TMEM223: variants seen among roughly 807,000 people sequenced by gnomAD.
The protein encoded by TMEM223 is transmembrane protein 223.
A neutral mutation model predicts 14.1 loss-of-function variants in TMEM223; 14 were observed. The observed-to-expected ratio is 0.99, with a 90% CI of 0.66 to 1.55. The LOEUF (loss-of-function observed/expected upper bound fraction) is 1.55. TMEM223 is among the 40% of genes most tolerant of loss of function. The pLI is 0.00. For missense variants in TMEM223, 346 were observed against 269.9 expected (o/e 1.28, Z -1.97); for synonymous variants, 145 against 120.5 (o/e 1.20, Z -1.33).
intron 1 of TMEM223, chr11:62,778,950 C>T (rs780133843): frequency 3.9e-5 from 63 of 1,613,854 alleles, no homozygotes; most frequent in Admixed American, 1.2e-4. Context: ...GGGGATGATC[C>T]GCAACTGATG....
intron 1 of TMEM223, chr11:62,777,930 T>C: frequency 6.2e-7 from 1 of 1,603,064 alleles, no homozygotes; most frequent in East Asian, 2.2e-5. Flanking sequence ...TCCTGACGCC[T>C]GCTCCCTCCC....
downstream of TMEM223, chr11:62,789,843 G>A: frequency 6.3e-7 from 1 of 1,591,878 alleles, no homozygotes; most frequent in Non-Finnish European, 8.6e-7. Context: ...GACTGGATTT[G>A]AAATGGTCCC....
chr11:62,787,043 C>G (rs1419105460), downstream of TMEM223: 1 of 1,518,596 alleles, frequency 6.6e-7, no homozygotes, highest in Admixed American at 2.0e-5. Context: ...CAGCAGGGCC[C>G]CGGGACCGGC....
At chr11:62,786,694 C>T (rs750187135), downstream of TMEM223, 2 of 1,612,392 alleles carry the variant, frequency 1.2e-6, no homozygotes, top group South Asian at 1.1e-5. Context: ...CCCGCTGCCG[C>T]CAGGGGGCGC....
intron 1 of TMEM223, chr11:62,778,839 T>G: frequency 6.2e-7 from 1 of 1,600,566 alleles, no homozygotes; most frequent in Non-Finnish European, 8.6e-7. Context: ...GCTCTCCACC[T>G]GTCCCTGCTT....
At chr11:62,782,551 C>T (rs1204774285), downstream of TMEM223, 12 of 1,279,540 alleles carry the variant, frequency 9.4e-6, no homozygotes, top group Non-Finnish European at 1.2e-5. Context: ...GGTCCTAGGC[C>T]AGTCACCCCT....
Position 62,790,588 on chromosome 11 carries a change from C to T in TMEM223, c.*35G>A, listed in dbSNP as rs2084349200. The T allele has an allele frequency of 6.4e-7, 1 of 1,569,812 alleles. No homozygotes were observed. Among genetic ancestry groups the T allele is most frequent in the Non-Finnish European group, 8.7e-7 (1 of 1,152,944 alleles). On this transcript the variant is annotated 3_prime_UTR_variant, in exon 2 of 2. Coordinates refer to ENST00000307366, the MANE Select transcript of TMEM223 (RefSeq NM_001080501.3). ...CTCCCCAAGGTTCAGTTTTTATCCTCCTCTTGGAGAGGTGAGTGACTTGAG... is the reference window on the plus strand; with the variant it reads ...CTCCCCAAGGTTCAGTTTTTATCCTTCTCTTGGAGAGGTGAGTGACTTGAG...
intron 1 of TMEM223, chr11:62,779,086 T>C: frequency 1.3e-6 from 1 of 770,866 alleles, no homozygotes; most frequent in Non-Finnish European, 2.1e-6. Context: ...AATGGCATGA[T>C]CTCAGCTCAC....
chr11:62,782,184 T>C (rs140460114), intron 1 of TMEM223: 117 of 1,613,982 alleles, frequency 7.2e-5, no homozygotes, highest in Non-Finnish European at 9.3e-5. Flanking sequence ...TATTTCGTAA[T>C]CCGCACCTGT....
intron 1 of TMEM223, among the ~76,000 whole-genome samples, chr11:62,781,247 AAAAAG>A (rs1371601112): frequency 1.3e-5 from 2 of 151,958 alleles, no homozygotes; most frequent in Non-Finnish European, 2.9e-5. Flanking sequence ...AAGAAAAAAA[AAAAAG>A]AAAAAGAAAC....
downstream of TMEM223, among the ~76,000 whole-genome samples, chr11:62,783,281 A>G (rs1304502051): frequency 2.6e-5 from 4 of 152,070 alleles, no homozygotes; most frequent in Non-Finnish European, 5.9e-5. Context: ...AGGAGATCGA[A>G]ACCATCCTGG....
downstream of TMEM223, chr11:62,771,628 T>TC (rs963112176): frequency 3.9e-5 from 7 of 177,814 alleles, no homozygotes; most frequent in Non-Finnish European, 8.6e-5. Flanking sequence ...CCTGACCTCC[T>TC]CCCCCCGCGC....
At position 62,791,789 on chromosome 11, in the gene TMEM223, C is replaced by T. The variant is rs867786664; in HGVS notation, c.206G>A (p.Arg69Gln). ...CAGAGGCTGCACCGGAACCGGGGGC[C>T]GGGACACGGCTGCCACAGCCATGGA... is the stretch of plus-strand genomic sequence containing the variant. The part of the protein sequence containing the change: ...WASMAVAAVS[R>Q]PPVPVQPLDA... Residue 69 changes from arginine (R) to glutamine (Q), a missense_variant, in exon 1 of 2, where the codon CGG (arginine) becomes CAG (glutamine). By Grantham distance (43) the Arg-to-Gln change is conservative. Coordinates refer to ENST00000307366, the MANE Select transcript of TMEM223 (RefSeq NM_001080501.3). The T allele has an allele frequency of 3.8e-6, 6 of 1,570,704 alleles. No individual in the cohort carries two copies. The East Asian group carries it at 7.1e-5, about 19-fold the overall frequency.
At position 62,790,010 on chromosome 11, in the gene TMEM223, C is replaced by G; in HGVS notation, c.*613G>C. Reference sequence around the variant, plus strand: ...GGTGACCCTGAGTGGAGCTCTGAGACAGATGCTCTCGTTGGGTCACGCCTT... The same window carrying G: ...GGTGACCCTGAGTGGAGCTCTGAGAGAGATGCTCTCGTTGGGTCACGCCTT... On this transcript the variant is annotated 3_prime_UTR_variant, in exon 2 of 2. Coordinates refer to ENST00000307366, the MANE Select transcript of TMEM223 (RefSeq NM_001080501.3). The G allele has an allele frequency of 6.2e-7, 1 of 1,613,834 alleles. No individual in the cohort carries two copies. Among genetic ancestry groups the G allele is most frequent in the South Asian group, 1.1e-5 (1 of 91,050 alleles).
At chr11:62,786,424 A>G (rs759034810), downstream of TMEM223, 6 of 1,604,646 alleles carry the variant, frequency 3.7e-6, no homozygotes, top group Non-Finnish European at 4.3e-6. Flanking sequence ...CCTTCCCTGC[A>G]TGAGCTTAGC....
downstream of TMEM223, chr11:62,786,924 C>T: frequency 2.0e-6 from 3 of 1,488,324 alleles, no homozygotes; most frequent in South Asian, 1.3e-5. Flanking sequence ...CGCACGGCGA[C>T]GAGAGCCCCC....
intron 1 of TMEM223, among the ~76,000 whole-genome samples, chr11:62,777,124 G>A (rs1443735112): frequency 1.3e-5 from 2 of 151,494 alleles, no homozygotes; most frequent in African/African-American, 4.9e-5. Context: ...TCCAGCCTGG[G>A]TGACAGAGCA....
intron 1 of TMEM223, chr11:62,782,069 C>A: frequency 6.3e-7 from 1 of 1,589,320 alleles, no homozygotes; most frequent in South Asian, 1.2e-5. Context: ...TGGGCTCCTG[C>A]CTGTCCCCTC....
downstream of TMEM223, chr11:62,787,450 C>G (rs1176717799): frequency 6.4e-7 from 1 of 1,569,398 alleles, no homozygotes; most frequent in South Asian, 1.1e-5. Flanking sequence ...GTCCTGGCTG[C>G]AGCGCGTCGA....
Sources: allele counts gnomAD v4.1 joint callset (sites outside exome capture counted in the v4.1 genomes callset), GRCh38; gene constraint gnomAD v4.1.1; transcripts MANE v1.5; gene names NCBI Gene and HGNC (gene_info 2026-07-23, HGNC 2026-07-21).